Variants in MAP4K4 observed in about 807,000 individuals in gnomAD.
The protein encoded by MAP4K4 is mitogen-activated protein kinase kinase kinase kinase 4.
In MAP4K4, 38 loss-of-function variants were observed where a neutral mutation model predicts 189.6. The observed-to-expected ratio is 0.20, with a 90% CI of 0.15 to 0.26. The LOEUF (loss-of-function observed/expected upper bound fraction) is 0.26, where lower values mean the gene tolerates loss of function less well. Ranked by LOEUF, MAP4K4 falls within the 10% of genes least tolerant of loss-of-function variation. MAP4K4 has a pLI of 1.00. For missense variants in MAP4K4, 1,054 were observed against 1,726.9 expected, an observed-to-expected ratio of 0.61 and a Z score of 6.91; for synonymous variants, 610 against 624.3, an observed-to-expected ratio of 0.98 and a Z score of 0.34.
At chr2:101,847,100 T>A (rs925938333) in intron 12 of MAP4K4, among the ~76,000 whole-genome samples, 2 of 152,216 alleles carry the variant, frequency 1.3e-5, no homozygotes, top group Non-Finnish European at 2.9e-5. Flanking sequence ...AAGATTATCA[T>A]GGAGCTGAAA....
chr2:101,757,924 C>G (rs1575005505), intron 2 of MAP4K4, among the ~76,000 whole-genome samples: 1 of 152,160 alleles, frequency 6.6e-6, no homozygotes, highest in African/African-American at 2.4e-5. Flanking sequence ...ACTTGAGAGG[C>G]TGAGGCACAA....
chr2:101,788,102 C>T (rs2148756074), intron 2 of MAP4K4, among the ~76,000 whole-genome samples: 1 of 150,882 alleles, frequency 6.6e-6, no homozygotes, highest in African/African-American at 2.5e-5. Flanking sequence ...CTTCACCTGG[C>T]CTTTTTTTTT....
At chr2:101,700,806 A>G (rs2038093980) in intron 2 of MAP4K4, among the ~76,000 whole-genome samples, 1 of 151,140 alleles carries the variant, frequency 6.6e-6, no homozygotes, top group Non-Finnish European at 1.5e-5. Flanking sequence ...TACTATAACA[A>G]GTTCTTTAAT....
At chr2:101,832,313 TA>T (rs1328563879) in intron 7 of MAP4K4, among the ~76,000 whole-genome samples, 1 of 152,184 alleles carries the variant, frequency 6.6e-6, no homozygotes, top group African/African-American at 2.4e-5. Context: ...CTTGAGTCAG[TA>T]ACACACTTTA....
chr2:101,795,945 TC>T (rs1308477627), intron 3 of MAP4K4, among the ~76,000 whole-genome samples: 2 of 152,234 alleles, frequency 1.3e-5, no homozygotes, highest in Non-Finnish European at 2.9e-5. Context: ...TTAAGATTTT[TC>T]TGAAGTTATT....
intron 13 of MAP4K4, among the ~76,000 whole-genome samples, chr2:101,857,372 G>A (rs1010970451): frequency 1.3e-5 from 2 of 151,212 alleles, no homozygotes; most frequent in African/African-American, 4.9e-5. Context: ...GTGTAGATGC[G>A]TGTTGTGTAT....
chr2:101,701,784 TG>T (rs1339629614), intron 2 of MAP4K4, among the ~76,000 whole-genome samples: 1 of 152,210 alleles, frequency 6.6e-6, no homozygotes, highest in Non-Finnish European at 1.5e-5. Context: ...GAGAAGTGTC[TG>T]GTATGATCAG....
intron 2 of MAP4K4, among the ~76,000 whole-genome samples, chr2:101,747,698 C>G (rs1052449641): frequency 3.3e-5 from 5 of 152,168 alleles, no homozygotes; most frequent in African/African-American, 1.2e-4. Flanking sequence ...CCTGCCCCCC[C>G]TTCTTAGCTT....
At chr2:101,867,395 T>G in intron 20 of MAP4K4, 86 bp downstream of exon 20, 2 of 985,856 alleles carry the variant, frequency 2.0e-6, no homozygotes, top group Non-Finnish European at 3.1e-6. Flanking sequence ...AGGCCTGCAG[T>G]CTTTTCTGCG....
intron 3 of MAP4K4, chr2:101,797,266 G>A: frequency 7.7e-7 from 1 of 1,290,696 alleles, no homozygotes; most frequent in Non-Finnish European, 1.0e-6. Flanking sequence ...CCAGCTAAAT[G>A]CTACAGGCCT....
At chr2:101,758,477 C>T (rs1328153347) in intron 2 of MAP4K4, among the ~76,000 whole-genome samples, 3 of 152,032 alleles carry the variant, frequency 2.0e-5, no homozygotes, top group Admixed American at 6.5e-5. Context: ...GGATGTGAAA[C>T]CTGTGTATAA....
intron 3 of MAP4K4, among the ~76,000 whole-genome samples, chr2:101,798,184 A>G (rs973058824): frequency 6.6e-6 from 1 of 151,362 alleles, no homozygotes; most frequent in Non-Finnish European, 1.5e-5. Context: ...AAGTGCTGGG[A>G]TTTACAGGTA....
chr2:101,701,321 C>T (rs774697806), intron 2 of MAP4K4, among the ~76,000 whole-genome samples: 1 of 152,080 alleles, frequency 6.6e-6, no homozygotes, highest in African/African-American at 2.4e-5. Flanking sequence ...CAAAACTGTG[C>T]TAATGGTAGA....
At chr2:101,819,613 C>A (rs1271256640) in intron 3 of MAP4K4, among the ~76,000 whole-genome samples, 2 of 152,122 alleles carry the variant, frequency 1.3e-5, no homozygotes, top group Non-Finnish European at 2.9e-5. Flanking sequence ...AATTTCCTTG[C>A]AATATATTTT....
intron 21 of MAP4K4, 143 bp downstream of exon 21, chr2:101,868,180 T>C: frequency 1.1e-6 from 1 of 870,914 alleles, no homozygotes; most frequent in Non-Finnish European, 1.8e-6. Context: ...CAAACTTTAC[T>C]CCAGTTTTCT....
At chr2:101,812,125 AG>A (rs1205883431) in intron 3 of MAP4K4, among the ~76,000 whole-genome samples, 1 of 152,086 alleles carries the variant, frequency 6.6e-6, no homozygotes, top group Admixed American at 6.5e-5. Context: ...ATTATATTCA[AG>A]ATAGGTGTGT....
At chr2:101,860,154 A>G (rs1018637107) in intron 15 of MAP4K4, 6 of 465,030 alleles carry the variant, frequency 1.3e-5, no homozygotes, top group Non-Finnish European at 2.4e-5. Context: ...ACTCTTAAAA[A>G]TGTGGATGAG....
chr2:101,875,222 A>T (rs1365867113), intron 26 of MAP4K4, among the ~76,000 whole-genome samples: 1 of 152,376 alleles, frequency 6.6e-6, no homozygotes, highest in Non-Finnish European at 1.5e-5. Context: ...AAACCTAAGC[A>T]TAATATTCAA....
chr2:101,847,143 G>A (rs1383880927), intron 12 of MAP4K4, among the ~76,000 whole-genome samples: 1 of 152,202 alleles, frequency 6.6e-6, no homozygotes, highest in African/African-American at 2.4e-5. Flanking sequence ...CATAGCCATT[G>A]TAACGTGTAA....
Sources: gnomAD v4.1 joint callset for allele counts (sites outside exome capture counted in the v4.1 genomes callset) on GRCh38, gnomAD v4.1.1 for gene constraint, MANE v1.5 for transcripts, NCBI Gene and HGNC (gene_info 2026-07-23, HGNC 2026-07-21) for gene names.